Variants in LGSN observed in about 807,000 individuals in gnomAD.
The protein encoded by LGSN is lengsin, lens protein with glutamine synthetase domain.
LGSN carries 21 observed loss-of-function variants against 19.5 expected under a neutral mutation model. The ratio of observed to expected loss-of-function variants is 1.07; its 90% confidence interval spans 0.76 to 1.55. The LOEUF (loss-of-function observed/expected upper bound fraction) is 1.55. Ranked by LOEUF, LGSN falls within the 40% of genes most tolerant of loss-of-function variation. LGSN has a pLI of 0.00. For synonymous variants in LGSN, 257 were observed against 215.6 expected (o/e 1.19, Z -1.68); for missense variants, 673 against 608.5 (o/e 1.11, Z -1.12).
the LGSN span, among the ~76,000 whole-genome samples, chr6:63,411,790 T>C: frequency 6.6e-6 from 1 of 152,124 alleles, no homozygotes; most frequent in African/African-American, 2.4e-5. Context: ...GGGGCTGCAC[T>C]GAGTCATGAT....
chr6:63,404,377 C>CA, the LGSN span, among the ~76,000 whole-genome samples: 4 of 151,610 alleles, frequency 2.6e-5, no homozygotes, highest in South Asian at 2.1e-4. Flanking sequence ...TGGAATCTAC[C>CA]AAAAAAAATC....
chr6:63,511,800 C>T, the LGSN span, among the ~76,000 whole-genome samples: 1 of 152,060 alleles, frequency 6.6e-6, no homozygotes, highest in African/African-American at 2.4e-5. Flanking sequence ...AATGACTCTC[C>T]AAATCTGAAG....
chr6:63,552,253 T>C, the LGSN span, among the ~76,000 whole-genome samples: 1 of 152,244 alleles, frequency 6.6e-6, no homozygotes. Flanking sequence ...TATCTCATTG[T>C]GGTTTTTATT....
intron 1 of LGSN, among the ~76,000 whole-genome samples, chr6:63,315,632 G>C (rs1206453545): frequency 2.0e-5 from 3 of 150,798 alleles, no homozygotes; most frequent in African/African-American, 7.3e-5. Context: ...GTGTGTGTGT[G>C]TGTGTGTGTG....
chr6:63,549,915 T>C, the LGSN span, among the ~76,000 whole-genome samples: 1 of 152,160 alleles, frequency 6.6e-6, no homozygotes, highest in East Asian at 1.9e-4. Flanking sequence ...ATGCCTATAG[T>C]TAACAATAAT....
the LGSN span, among the ~76,000 whole-genome samples, chr6:63,440,556 G>C: frequency 1.3e-5 from 2 of 152,050 alleles, no homozygotes; most frequent in Admixed American, 1.3e-4. Context: ...TTCCTGTATA[G>C]AGCAGGCACT....
At chr6:63,510,228 T>C in the LGSN span, among the ~76,000 whole-genome samples, 1 of 152,164 alleles carries the variant, frequency 6.6e-6, no homozygotes, top group African/African-American at 2.4e-5. Flanking sequence ...GTCCAGTATA[T>C]GAGGCAACTG....
At chr6:63,336,519 CTGTGTGTG>C in the LGSN span, among the ~76,000 whole-genome samples, 219 of 132,116 alleles carry the variant, frequency 1.7e-3, 2 homozygotes, top group African/African-American at 5.1e-3. Flanking sequence ...TATAGAATAT[CTGTGTGTG>C]TGTGTGTGTG....
chr6:63,531,295 A>C, the LGSN span, among the ~76,000 whole-genome samples: 1 of 152,172 alleles, frequency 6.6e-6, no homozygotes, highest in African/African-American at 2.4e-5. Context: ...AGATGGAATG[A>C]AGGGCAAATA....
chr6:63,279,866 T>C lies in LGSN; in HGVS notation c.*155A>G. ...GAATCTTCTCAGCAGTCCTACTTCA[T>C]CTGTCAAATATTCCATGGACAAAAA... On this transcript the variant is annotated 3_prime_UTR_variant, in exon 4 of 4. Coordinates refer to ENST00000370657, the MANE Select transcript of LGSN (RefSeq NM_016571.3). The C allele has an allele frequency of 3.0e-6, 2 of 674,498 alleles. No homozygotes were observed. Among genetic ancestry groups the C allele is most frequent in the East Asian group, 2.7e-5 (1 of 37,426 alleles). 41.8% of individuals were successfully genotyped at this position (674,498 alleles called of 1,614,324 possible). A position where few individuals can be genotyped will look rare whatever the true frequency, so the allele number is the denominator to read the frequency against.
At chr6:63,398,545 T>C in the LGSN span, among the ~76,000 whole-genome samples, 1 of 152,158 alleles carries the variant, frequency 6.6e-6, no homozygotes, top group African/African-American at 2.4e-5. Flanking sequence ...GTGTTTGTGT[T>C]TTAAGCTAAG....
At chr6:63,312,788 A>T (rs1407304852) in intron 1 of LGSN, among the ~76,000 whole-genome samples, 1 of 152,202 alleles carries the variant, frequency 6.6e-6, no homozygotes, top group East Asian at 1.9e-4. Flanking sequence ...AAATGAGCAT[A>T]GTGCAGACAT....
chr6:63,443,241 C>T, the LGSN span, among the ~76,000 whole-genome samples: 16,518 of 152,260 alleles, frequency 0.11, 1,843 homozygotes, highest in African/African-American at 0.28. Flanking sequence ...GCTCTGAGTG[C>T]GGGGCCTGCC....
the LGSN span, among the ~76,000 whole-genome samples, chr6:63,364,699 C>A: frequency 6.6e-6 from 1 of 150,840 alleles, no homozygotes; most frequent in African/African-American, 2.5e-5. Context: ...AAGCACTCCT[C>A]AGCAAATGTA....
the LGSN span, among the ~76,000 whole-genome samples, chr6:63,386,649 T>C: frequency 5.9e-5 from 9 of 152,220 alleles, no homozygotes; most frequent in Non-Finnish European, 1.2e-4. Context: ...TACAATACCT[T>C]GACTATACAC....
At chr6:63,345,891 C>T in the LGSN span, among the ~76,000 whole-genome samples, 1 of 152,198 alleles carries the variant, frequency 6.6e-6, no homozygotes, top group East Asian at 1.9e-4. Context: ...ACTGAAAGAC[C>T]ATCCTTTTCA....
the LGSN span, among the ~76,000 whole-genome samples, chr6:63,526,554 A>G: frequency 6.6e-6 from 1 of 151,950 alleles, no homozygotes; most frequent in African/African-American, 2.4e-5. Context: ...TCATGCCTGT[A>G]ATCCCAGTAC....
the LGSN span, among the ~76,000 whole-genome samples, chr6:63,340,836 G>GTT: frequency 6.8e-6 from 1 of 146,170 alleles, no homozygotes; most frequent in African/African-American, 2.6e-5. Flanking sequence ...GCTTTTTATG[G>GTT]TTTGTGTGTG....
At chr6:63,364,973 A>G in the LGSN span, among the ~76,000 whole-genome samples, 1 of 152,196 alleles carries the variant, frequency 6.6e-6, no homozygotes, top group African/African-American at 2.4e-5. Flanking sequence ...AATGCCCACA[A>G]GAGAAAGCAG....
Sources: gnomAD v4.1 joint callset for allele counts (sites outside exome capture counted in the v4.1 genomes callset) on GRCh38, gnomAD v4.1.1 for gene constraint, MANE v1.5 for transcripts, NCBI Gene and HGNC (gene_info 2026-07-23, HGNC 2026-07-21) for gene names.